ZKSCAN4: variants seen among roughly 807,000 people sequenced by gnomAD.
ZKSCAN4 encodes zinc finger protein with KRAB and SCAN domains 4.
In ZKSCAN4, 23 loss-of-function variants were observed where a neutral mutation model predicts 30.8. The ratio of observed to expected loss-of-function variants is 0.75; its 90% CI spans 0.54 to 1.06. The LOEUF is 1.06. Among genes scored for constraint, ZKSCAN4 ranks in the 50% least tolerant of loss-of-function variants. ZKSCAN4 has a pLI of 0.00. For missense variants in ZKSCAN4, 556 were observed against 665.4 expected, an observed-to-expected ratio of 0.84 and a Z score of 1.81; for synonymous variants, 208 against 252.5, an observed-to-expected ratio of 0.82 and a Z score of 1.67.
chr6:28,257,968 G>C, the ZKSCAN4 span, among the ~76,000 whole-genome samples: 20 of 151,962 alleles, frequency 1.3e-4, no homozygotes, highest in Non-Finnish European at 2.6e-4. Flanking sequence ...AAACTCTATA[G>C]TACTCACCCT....
At position 28,242,423 on chromosome 6, in the gene ZKSCAN4, A is replaced by G. The variant is rs1193069297; in HGVS notation, c.*2693T>C. On this transcript the variant is annotated 3_prime_UTR_variant, in exon 5 of 5. Coordinates refer to ENST00000377294, the MANE Select transcript of ZKSCAN4 (RefSeq NM_019110.5). Reference sequence around the variant, plus strand: ...ATACACCAGATAAAGTTTCCTAGATAATATTTTGATTATAAAATATCATGG... The same window carrying G: ...ATACACCAGATAAAGTTTCCTAGATGATATTTTGATTATAAAATATCATGG... Among the ~76,000 whole-genome samples, 2 of 152,204 alleles carry G rather than the reference A, an allele frequency of 1.3e-5. No individual in the cohort carries two copies. Among genetic ancestry groups the G allele is most frequent in the African/African-American group, 4.8e-5 (2 of 41,442 alleles).
rs374203393 is a variant in ZKSCAN4, at chr6:28,251,704, G to C, written c.277C>G (p.Leu93Val). 1.2e-6 allele frequency: 2 copies of C among 1,614,240 alleles called. No individual in the cohort carries two copies. The highest frequency in any genetic ancestry group is 1.7e-6 in the Non-Finnish European group (2 of 1,180,040). Residue 93 changes from leucine (L) to valine (V), a missense_variant, in exon 1 of 5, where the codon CTG (leucine) becomes GTG (valine). Physicochemically the swap from Leu to Val is conservative, Grantham distance 32. Around this residue, in one of 3 missense-constraint regions of ZKSCAN4, gnomAD observed 115 missense variants for 125.9 expected, o/e 0.91. Transcript: ENST00000377294. This position sits in a 1 kb window ranked among gnomAD's most constrained non-coding sequence, Gnocchi z 4.5. Reference sequence around the variant, plus strand: ...AACTGCTCCAGCACCAGCAGCTCCAGGATCTGCTCCTTGCTGTGCATCTCA... The same window carrying C: ...AACTGCTCCAGCACCAGCAGCTCCACGATCTGCTCCTTGCTGTGCATCTCA... ...QPEMHSKEQILELLVLEQFLT... is the reference protein window; with the variant it reads ...QPEMHSKEQIVELLVLEQFLT...
rs1760629933 is a variant in ZKSCAN4, at chr6:28,244,805, T to G, written c.*311A>C. 2.5e-6 allele frequency: 1 copy of G among 403,436 alleles called. No individual in the cohort carries two copies. 25.0% of individuals were successfully genotyped at this position (403,436 alleles called of 1,614,324 possible). A position where few individuals can be genotyped will look rare whatever the true frequency, so the allele number is the denominator to read the frequency against. ...CACATCAGAGCCATCCAACCAGATG[T>G]CCTAAAGTGCTGGCTGAGGGCAATT... is the stretch of plus-strand genomic sequence containing the variant. On this transcript the variant is annotated 3_prime_UTR_variant, in exon 5 of 5. Transcript: ENST00000377294.
In ZKSCAN4 at chr6:28,245,807, C is replaced by T; in HGVS notation, c.947G>A (p.Gly316Glu). The T allele has an allele frequency of 6.2e-7, 1 of 1,614,206 alleles. No individual in the cohort carries two copies. Among genetic ancestry groups the T allele is most frequent in the South Asian group, 1.1e-5 (1 of 91,082 alleles). The change falls in exon 5 of 5, where the codon GGG becomes GAG. Residue 316 changes from glycine (G) to glutamate (E), a missense_variant. Around this residue, in one of 3 missense-constraint regions of ZKSCAN4, gnomAD observed 433 missense variants for 511.5 expected, o/e 0.85. Coordinates refer to ENST00000377294, the MANE Select transcript of ZKSCAN4 (RefSeq NM_019110.5). Reference protein sequence around the residue: ...RLQRKQKNAIGSRRHYCHECG... With the variant: ...RLQRKQKNAIESRRHYCHECG... ...TTCATGGCAATAATGTCGCCTACTC[C>T]CTATGGCATTTTTCTGCTTTCTTTG...
In ZKSCAN4 at chr6:28,247,812, C is replaced by T. The variant is rs191516782; in HGVS notation, c.654+255G>A. Among the ~76,000 whole-genome samples the T allele has an allele frequency of 5.9e-5, 9 of 152,192 alleles. No homozygotes were observed. In the East Asian group the frequency reaches 7.7e-4, roughly 13 times the overall value. ...AAATCACATTGAAGAAGAGGCTGAC[C>T]GAAGAAATGTAGGAGGAAAGATCTG... is the stretch of plus-strand genomic sequence containing the variant. On this transcript the variant is annotated intron_variant, in intron 3 of 4. Coordinates refer to ENST00000377294, the MANE Select transcript of ZKSCAN4 (RefSeq NM_019110.5).
chr6:28,251,363 C>A lies in ZKSCAN4; in HGVS notation c.423+195G>T. On this transcript the variant is annotated intron_variant, in intron 1 of 4. Transcript: ENST00000377294. This position sits in a 1 kb window ranked among gnomAD's most constrained non-coding sequence, Gnocchi z 4.5. ...AATATAGTTGTGTTCTTTTGTAATC[C>A]TTTATAGTTTCTTTATATATTTAAA... 1.2e-6 allele frequency: 1 copy of A among 837,198 alleles called. No individual in the cohort carries two copies. The highest frequency in any genetic ancestry group is 1.9e-6 in the Non-Finnish European group (1 of 532,114). The allele number at this position is 837,198 out of a possible 1,614,324, so 51.9% of individuals were successfully genotyped here.
chr6:28,247,136 T>A, intron 3 of ZKSCAN4, 44 bp from the exon 4 acceptor site: 6 of 1,532,620 alleles, frequency 3.9e-6, no homozygotes, highest in Non-Finnish European at 5.3e-6. Flanking sequence ...TGCCCAAAAT[T>A]ACCCCCAAAG....
At position 28,251,907 on chromosome 6, in the gene ZKSCAN4, A is replaced by G. The variant is rs759071127; in HGVS notation, c.74T>C (p.Val25Ala). 6.5e-7 allele frequency: 1 copy of G among 1,532,540 alleles called. No homozygotes were observed. The highest frequency in any genetic ancestry group is 2.2e-5 in the Admixed American group (1 of 44,790). The allele number at this position is 1,532,540 out of a possible 1,614,324, so 94.9% of individuals were successfully genotyped here. A position where few individuals can be genotyped will look rare whatever the true frequency, so the allele number is the denominator to read the frequency against. ...SAEDQTGLLTVKVEKEEASAL... is the reference protein window; with the variant it reads ...SAEDQTGLLTAKVEKEEASAL... ...GGAGGCTTCCTCCTTCTCCACCTTC[A>G]CGGTCAGGAGCCCCGTCTGGTCTTC... The change falls in exon 1 of 5, where the codon GTG becomes GCG. Residue 25 changes from valine (V) to alanine (A), a missense_variant. Physicochemically the swap from Val to Ala is moderately conservative, Grantham distance 64. Transcript: ENST00000377294. The surrounding 1 kb of genome is among the most constrained non-coding windows in gnomAD (Gnocchi z 4.5).
In ZKSCAN4 at chr6:28,245,430, T is replaced by C; in HGVS notation, c.1324A>G (p.Arg442Gly). 4 of 1,614,236 alleles carry C rather than the reference T, an allele frequency of 2.5e-6. No individual in the cohort carries two copies. The highest frequency in any genetic ancestry group is 3.4e-6 in the Non-Finnish European group (4 of 1,180,038). The stretch of plus-strand genomic sequence containing the variant: ...TGTCTCAGGAGATGTGAATTCCGCC[T>C]AAAGGCTTTGCCACACATATTGCAC... The part of the protein sequence containing the change: ...YQCNMCGKAF[R>G]RNSHLLRHQR... Residue 442 changes from arginine (R) to glycine (G), a missense_variant, in exon 5 of 5, where the codon AGG becomes GGG. By Grantham distance (125) the Arg-to-Gly change is moderately radical. Coordinates refer to ENST00000377294, the MANE Select transcript of ZKSCAN4 (RefSeq NM_019110.5).
Position 28,245,196 on chromosome 6 carries a change from A to G in ZKSCAN4, c.1558T>C (p.Cys520Arg), listed in dbSNP as rs758520715. Reference sequence around the variant, plus strand: ...GAAGTTCGAGTGAAACCTTTTCCACATGTGTCACACTGATAGGGTTTCTCA... The same window carrying G: ...GAAGTTCGAGTGAAACCTTTTCCACGTGTGTCACACTGATAGGGTTTCTCA... ...TGEKPYQCDT[C>R]GKGFTRTSYL... is the part of the protein sequence containing the mutation. The change falls in exon 5 of 5, where the codon TGT becomes CGT. Residue 520 changes from cysteine to arginine, a missense_variant. Transcript: ENST00000377294. The G allele has an allele frequency of 1.2e-6, 2 of 1,613,746 alleles. No homozygotes were observed. Among genetic ancestry groups the G allele is most frequent in the Non-Finnish European group, 1.7e-6 (2 of 1,179,622 alleles).
Position 28,244,421 on chromosome 6 carries a change from T to TA in ZKSCAN4, c.*694dup, listed in dbSNP as rs1760615997. 6.6e-6 allele frequency among the ~76,000 whole-genome samples: 1 copy of TA among 152,180 alleles called. No homozygotes were observed. The highest frequency in any genetic ancestry group is 2.1e-4 in the South Asian group (1 of 4,822). On this transcript the variant is annotated 3_prime_UTR_variant, in exon 5 of 5. Coordinates refer to ENST00000377294, the MANE Select transcript of ZKSCAN4 (RefSeq NM_019110.5). ...TGGATGGAGCAATCTCACAGTGTCT[T>TA]AATGATAAAGAAGCTGTTTAAGGCA...
Position 28,241,973 on chromosome 6 carries a change from A to G in ZKSCAN4, c.*3143T>C, listed in dbSNP as rs1581572633. 6.6e-6 allele frequency among the ~76,000 whole-genome samples: 1 copy of G among 152,162 alleles called. No homozygotes were observed. The highest frequency in any genetic ancestry group is 2.4e-5 in the African/African-American group (1 of 41,450). ...TTTGCCAAAATTAAGAACAAATCCA[A>G]GAGTGCCATTCATCAAAAGCTTTTT... On this transcript the variant is annotated 3_prime_UTR_variant, in exon 5 of 5. Coordinates refer to ENST00000377294, the MANE Select transcript of ZKSCAN4 (RefSeq NM_019110.5).
At chr6:28,256,554 A>T (rs1463304140), upstream of ZKSCAN4, among the ~76,000 whole-genome samples, 1 of 152,250 alleles carries the variant, frequency 6.6e-6, no homozygotes, top group Non-Finnish European at 1.5e-5. Flanking sequence ...AGCATTCAAC[A>T]TCTGGTACTT....
At chr6:28,248,940 C>G (rs1210223974) in intron 2 of ZKSCAN4, among the ~76,000 whole-genome samples, 1 of 152,096 alleles carries the variant, frequency 6.6e-6, no homozygotes, top group African/African-American at 2.4e-5. Context: ...AGAACTTGCT[C>G]AGACTCAGAA....
Position 28,244,007 on chromosome 6 carries a change from A to G in ZKSCAN4, c.*1109T>C, listed in dbSNP as rs746804025. Among the ~76,000 whole-genome samples the G allele has an allele frequency of 2.6e-5, 4 of 152,158 alleles. No individual in the cohort carries two copies. Among genetic ancestry groups the G allele is most frequent in the Non-Finnish European group, 4.4e-5 (3 of 68,026 alleles). On this transcript the variant is annotated 3_prime_UTR_variant, in exon 5 of 5. Transcript: ENST00000377294. ...TCCTACCACTCAGATGTGAGTTTCT[A>G]TCCTCATAGGCTGCCTCTAACCTGA...
intron 1 of ZKSCAN4, among the ~76,000 whole-genome samples, chr6:28,250,180 G>A (rs1409115401): frequency 2.0e-5 from 3 of 151,766 alleles, no homozygotes; most frequent in African/African-American, 7.3e-5. Flanking sequence ...CAATTCTCCT[G>A]CCTCAGCCTC....
In ZKSCAN4 at chr6:28,242,364, C is replaced by G. The variant is rs1760524922; in HGVS notation, c.*2752G>C. 6.6e-6 allele frequency among the ~76,000 whole-genome samples: 1 copy of G among 152,030 alleles called. No individual in the cohort carries two copies. Among genetic ancestry groups the G allele is most frequent in the African/African-American group, 2.4e-5 (1 of 41,386 alleles). On this transcript the variant is annotated 3_prime_UTR_variant, in exon 5 of 5. Transcript: ENST00000377294. The stretch of plus-strand genomic sequence containing the variant: ...ATAGAAAAGTGGAGTATCTAAAAGA[C>G]TGTAAGCAAAATGATTTTATTTGAT...
At chr6:28,247,175 C>G in intron 3 of ZKSCAN4, 83 bp from the exon 4 acceptor site, 1 of 1,446,568 alleles carries the variant, frequency 6.9e-7, no homozygotes, top group Non-Finnish European at 9.2e-7. Flanking sequence ...TTTAAAGAGG[C>G]TCTTTAAAAA....
chr6:28,248,165 G>A lies in ZKSCAN4; in HGVS notation c.572-16C>T. ...ACCTGGAGAACTAAGAAAGAAAGAA[G>A]CTCTGGATGAGAACTACCCTAGTAT... is the stretch of plus-strand genomic sequence containing the variant. On this transcript the variant is annotated splice_polypyrimidine_tract_variant and intron_variant, in intron 2 of 4. Coordinates refer to ENST00000377294, the MANE Select transcript of ZKSCAN4 (RefSeq NM_019110.5). The A allele has an allele frequency of 6.2e-7, 1 of 1,606,606 alleles. No individual in the cohort carries two copies. The highest frequency in any genetic ancestry group is 1.7e-4 in the Middle Eastern group (1 of 6,046).
Sources: gnomAD v4.1 joint callset for allele counts (sites outside exome capture counted in the v4.1 genomes callset) on GRCh38, gnomAD v4.1.1 for gene constraint, gnomAD v4.1.1 regional missense constraint, Gnocchi (gnomAD v3.1) non-coding constraint, MANE v1.5 for transcripts, NCBI Gene and HGNC (gene_info 2026-07-23, HGNC 2026-07-21) for gene names.